The following ARHGAP35 variants were observed in gnomAD, a reference collection of about 807,000 sequenced individuals.
ARHGAP35 encodes the protein rho GTPase-activating protein 35.
Under a neutral mutation model 111.1 loss-of-function variants are expected in ARHGAP35, and 15 were observed. The ratio of observed to expected loss-of-function variants is 0.13; its 90% CI spans 0.09 to 0.21. ARHGAP35 has a LOEUF of 0.21. Ranked by LOEUF, ARHGAP35 falls within the 10% of genes least tolerant of loss-of-function variation. The pLI, the probability that ARHGAP35 is intolerant of heterozygous loss-of-function variation, is 1.00. For synonymous variants in ARHGAP35, 643 were observed against 710.3 expected (o/e 0.91, Z 1.51); for missense variants, 1,262 against 1,873.0 (o/e 0.67, Z 6.02).
rs1039163581 is a variant in ARHGAP35, at chr19:46,889,340, T to A, written c.-189+28131T>A. ...TTGGTGTGGTGGCGTGTGCCTGTAG[T>A]CCCAGCTACTCAGGAGGCTGAGGCA... On this transcript the variant is annotated intron_variant, in intron 1 of 6. Transcript: ENST00000672722. Among the ~76,000 whole-genome samples, 13 of 151,906 alleles carry A rather than the reference T, an allele frequency of 8.6e-5. No individual in the cohort carries two copies. In the South Asian group the frequency reaches 1.7e-3, roughly 19 times the overall value.
chr19:46,999,526 A>G lies in ARHGAP35; in HGVS notation c.4142+117A>G, dbSNP rs1279592624. On this transcript the variant is annotated intron_variant, in intron 6 of 6. Coordinates refer to ENST00000672722, the MANE Select transcript of ARHGAP35 (RefSeq NM_004491.5). This position sits in a 1 kb window ranked among gnomAD's most constrained non-coding sequence, Gnocchi z 5.4. ...GTAGAAGCCTCAGGCCCTGGCCTGG[A>G]AGGGGTGCTGGCTGGCCTCCCATGG... 8 of 711,610 alleles carry G rather than the reference A, an allele frequency of 1.1e-5. No homozygotes were observed. The highest frequency in any genetic ancestry group is 1.9e-5 in the Non-Finnish European group (8 of 428,392). The allele number at this position is 711,610 out of a possible 1,614,324, so 44.1% of individuals were successfully genotyped here.
At chr19:46,979,441 C>G (rs534076206) in intron 3 of ARHGAP35, among the ~76,000 whole-genome samples, 1 of 152,312 alleles carries the variant, frequency 6.6e-6, no homozygotes, top group South Asian at 2.1e-4. Flanking sequence ...AGGCTGGCCT[C>G]AAGTTCTTTG....
At chr19:46,869,380 G>A (rs1262905611) in intron 1 of ARHGAP35, among the ~76,000 whole-genome samples, 1 of 151,994 alleles carries the variant, frequency 6.6e-6, no homozygotes, top group African/African-American at 2.4e-5. Context: ...TCACCTAAAC[G>A]CCTAACCCCC....
intron 1 of ARHGAP35, among the ~76,000 whole-genome samples, chr19:46,886,395 T>C (rs2122143699): frequency 6.6e-6 from 1 of 152,290 alleles, no homozygotes; most frequent in East Asian, 1.9e-4. Flanking sequence ...GGGAGGTTTT[T>C]TTTTTCTTTT....
intron 1 of ARHGAP35, among the ~76,000 whole-genome samples, chr19:46,889,723 C>T (rs979055357): frequency 1.4e-5 from 2 of 145,834 alleles, no homozygotes; most frequent in Non-Finnish European, 3.0e-5. Flanking sequence ...TGCACTCCAG[C>T]CTGGGCGACA....
intron 1 of ARHGAP35, among the ~76,000 whole-genome samples, chr19:46,872,646 C>T (rs940944998): frequency 6.6e-6 from 1 of 151,870 alleles, no homozygotes; most frequent in Non-Finnish European, 1.5e-5. Flanking sequence ...TTTGGGAGGC[C>T]GAGGCGGGCG....
chr19:46,904,349 G>A (rs933738239), intron 1 of ARHGAP35, among the ~76,000 whole-genome samples: 1 of 152,204 alleles, frequency 6.6e-6, no homozygotes, highest in Admixed American at 6.5e-5. Context: ...TTCATCTCAA[G>A]AAGAATCTTA....
chr19:46,990,856 C>T (rs76749879), intron 5 of ARHGAP35, among the ~76,000 whole-genome samples: 12 of 152,350 alleles, frequency 7.9e-5, no homozygotes, highest in African/African-American at 2.9e-4. Flanking sequence ...GGCCTCCAAG[C>T]TCATCCTTCC....
At chr19:46,924,873 C>T (rs1322374050) in intron 2 of ARHGAP35, among the ~76,000 whole-genome samples, 1 of 152,184 alleles carries the variant, frequency 6.6e-6, no homozygotes, top group Non-Finnish European at 1.5e-5. Context: ...ATTTTTAATA[C>T]TTACTGAAAA....
At chr19:46,987,272 G>A (rs961106512) in intron 3 of ARHGAP35, among the ~76,000 whole-genome samples, 1 of 138,614 alleles carries the variant, frequency 7.2e-6, no homozygotes, top group Non-Finnish European at 1.5e-5. Context: ...CTGGAGTGCA[G>A]TGACGCAATC....
Position 47,001,009 on chromosome 19 carries a change from T to C in ARHGAP35, c.*321T>C. ...TCACACCAGCCTCCGGGTGCCTCCC[T>C]CTGCTTGTACAGAGCCCATGGTCGG... On this transcript the variant is annotated 3_prime_UTR_variant, in exon 7 of 7. Transcript: ENST00000672722. The surrounding 1 kb of genome is among the most constrained non-coding windows in gnomAD (Gnocchi z 5.4). The C allele has an allele frequency of 1.4e-6, 2 of 1,461,586 alleles. No homozygotes were observed. Among genetic ancestry groups the C allele is most frequent in the South Asian group, 2.4e-5 (2 of 82,338 alleles). The allele number at this position is 1,461,586 out of a possible 1,614,324, so 90.5% of individuals were successfully genotyped here. A position where few individuals can be genotyped will look rare whatever the true frequency, so the allele number is the denominator to read the frequency against.
chr19:46,952,082 A>G (rs797010224), intron 3 of ARHGAP35, among the ~76,000 whole-genome samples: 1 of 152,364 alleles, frequency 6.6e-6, no homozygotes, highest in African/African-American at 2.4e-5. Context: ...AATGTTGCCA[A>G]CACAAAGAAA....
chr19:46,895,165 C>G (rs1398200829), intron 1 of ARHGAP35, among the ~76,000 whole-genome samples: 1 of 136,634 alleles, frequency 7.3e-6, no homozygotes, highest in East Asian at 2.1e-4. Flanking sequence ...AGGGCAAAAT[C>G]TTTTTTTTTT....
At chr19:46,874,033 C>T (rs931104110) in intron 1 of ARHGAP35, among the ~76,000 whole-genome samples, 6 of 152,292 alleles carry the variant, frequency 3.9e-5, no homozygotes, top group African/African-American at 1.4e-4. Flanking sequence ...AGGCGTGAGC[C>T]ACCTCGCCTG....
At chr19:46,969,684 C>T (rs576800005) in intron 3 of ARHGAP35, among the ~76,000 whole-genome samples, 1 of 152,194 alleles carries the variant, frequency 6.6e-6, no homozygotes, top group African/African-American at 2.4e-5. Flanking sequence ...AACCACTCAG[C>T]GACTTGTTTT....
intron 5 of ARHGAP35, among the ~76,000 whole-genome samples, chr19:46,996,276 G>A (rs2056706972): frequency 1.3e-5 from 2 of 152,012 alleles, no homozygotes; most frequent in Admixed American, 6.6e-5. Flanking sequence ...GCTAATTTTT[G>A]TATTTTTAGT....
At position 46,945,806 on chromosome 19, in the gene ARHGAP35, C is replaced by A. The variant is rs149438241; in HGVS notation, c.3826+8398C>A. Among the ~76,000 whole-genome samples, 15 of 152,246 alleles carry A rather than the reference C, an allele frequency of 9.9e-5. No homozygotes were observed. In the East Asian group the frequency reaches 2.9e-3, roughly 29 times the overall value. ...TAATATGTGAGGCCAGACTTCGTTC[C>A]CTGTTTCTGTGATTTTTAACCTCTG... On this transcript the variant is annotated intron_variant, in intron 3 of 6. Coordinates refer to ENST00000672722, the MANE Select transcript of ARHGAP35 (RefSeq NM_004491.5). This position sits in a 1 kb window ranked among gnomAD's most constrained non-coding sequence, Gnocchi z 4.1.
intron 2 of ARHGAP35, among the ~76,000 whole-genome samples, chr19:46,932,894 G>A (rs1027536133): frequency 6.6e-6 from 1 of 152,120 alleles, no homozygotes; most frequent in Non-Finnish European, 1.5e-5. Context: ...AAAGAGATAG[G>A]AGCAGTTGTC....
chr19:46,917,257 C>T (rs866943083), intron 1 of ARHGAP35, among the ~76,000 whole-genome samples: 5 of 152,158 alleles, frequency 3.3e-5, no homozygotes, highest in South Asian at 4.1e-4. Flanking sequence ...TTGTGACTGG[C>T]TTATTTCACT....
Sources: gnomAD v4.1 joint callset for allele counts (sites outside exome capture counted in the v4.1 genomes callset) on GRCh38, gnomAD v4.1.1 for gene constraint, Gnocchi (gnomAD v3.1) non-coding constraint, MANE v1.5 for transcripts, NCBI Gene and HGNC (gene_info 2026-07-23, HGNC 2026-07-21) for gene names.